Variants in THRB observed in about 807,000 individuals in gnomAD.
THRB encodes the protein nuclear receptor subfamily 1 group A member 2.
THRB carries 12 observed loss-of-function variants against 47.8 expected under a neutral mutation model. The observed-to-expected ratio is 0.25, with a 90% confidence interval of 0.16 to 0.41. The LOEUF is 0.41. THRB is among the 10% of genes least tolerant of loss of function. The pLI is 1.00. For missense variants in THRB, 348 were observed against 589.2 expected, an observed-to-expected ratio of 0.59 and a Z score of 4.24; for synonymous variants, 218 against 212.2, an observed-to-expected ratio of 1.03 and a Z score of -0.24.
At chr3:24,205,946 G>C (rs1419112673) in intron 4 of THRB, among the ~76,000 whole-genome samples, 2 of 152,198 alleles carry the variant, frequency 1.3e-5, no homozygotes, top group Non-Finnish European at 2.9e-5. Context: ...AACAAGAAGA[G>C]CTAACTATCC....
intron 1 of THRB, among the ~76,000 whole-genome samples, chr3:24,384,319 C>T (rs150651040): frequency 1.2e-3 from 176 of 152,196 alleles, no homozygotes; most frequent in African/African-American, 3.5e-3. Context: ...ATAAGGGAGA[C>T]GATCTTATCT....
intron 1 of THRB, among the ~76,000 whole-genome samples, chr3:24,428,678 T>A (rs1438946738): frequency 6.6e-6 from 1 of 151,734 alleles, no homozygotes; most frequent in Non-Finnish European, 1.5e-5. Flanking sequence ...TTTGGTTATG[T>A]TCGAGGCAAG....
At chr3:24,344,530 T>C (rs1190059486) in intron 1 of THRB, among the ~76,000 whole-genome samples, 1 of 151,914 alleles carries the variant, frequency 6.6e-6, no homozygotes, top group Admixed American at 6.6e-5. Context: ...CAGAAACAAA[T>C]AACATTTGGA....
At chr3:24,144,649 T>C (rs900568431) in intron 7 of THRB, 1 of 152,158 alleles carries the variant, frequency 6.6e-6, no homozygotes, top group African/African-American at 2.4e-5. Flanking sequence ...TTGGTAACTA[T>C]CAATGGAATG....
At chr3:24,209,433 C>G (rs2045770852) in intron 4 of THRB, among the ~76,000 whole-genome samples, 2 of 152,192 alleles carry the variant, frequency 1.3e-5, no homozygotes, top group Non-Finnish European at 2.9e-5. Flanking sequence ...ACCCAAATGT[C>G]CATCAATGAT....
intron 1 of THRB, among the ~76,000 whole-genome samples, chr3:24,427,308 A>C (rs1393897129): frequency 1.3e-5 from 2 of 152,006 alleles, no homozygotes; most frequent in East Asian, 3.9e-4. Flanking sequence ...TTTAGCATGA[A>C]CTTTTAGCAA....
chr3:24,278,882 G>A (rs1257851137), intron 3 of THRB, among the ~76,000 whole-genome samples: 1 of 152,006 alleles, frequency 6.6e-6, no homozygotes, highest in African/African-American at 2.4e-5. Context: ...GTCTCACTCT[G>A]GGTCCAGGCT....
At chr3:24,280,706 G>A (rs975820799) in intron 3 of THRB, among the ~76,000 whole-genome samples, 13 of 152,052 alleles carry the variant, frequency 8.5e-5, no homozygotes, top group East Asian at 7.7e-4. Flanking sequence ...TTAGAAGAAT[G>A]TATAACTAGA....
rs547514840 is a variant in THRB, at chr3:24,336,782, C to T, written c.-189+518G>A. ...TGTCGCCCAGGCTGGAGTGCAGTGG[C>T]GTGATCTCTGCTCACTGCAAGCTCC... On this transcript the variant is annotated intron_variant, in intron 2 of 10. Coordinates refer to ENST00000646209, the MANE Select transcript of THRB (RefSeq NM_001354712.2). Among the ~76,000 whole-genome samples, 764 of 147,574 alleles carry T rather than the reference C, an allele frequency of 5.2e-3. 4 individuals carry two copies. The highest frequency in any genetic ancestry group is 9.0e-3 in the Non-Finnish European group (607 of 67,542).
At chr3:24,479,797 C>T (rs78354013) in intron 1 of THRB, among the ~76,000 whole-genome samples, 3,391 of 152,260 alleles carry the variant, frequency 0.022, 70 homozygotes, top group East Asian at 0.084. Context: ...ACTATACTCC[C>T]ATGGCACCAC....
At chr3:24,129,287 T>C (rs1000938972) in intron 9 of THRB, among the ~76,000 whole-genome samples, 6 of 152,196 alleles carry the variant, frequency 3.9e-5, no homozygotes, top group African/African-American at 4.8e-5. Flanking sequence ...AGTTTCTGCA[T>C]TTCCCCCAAG....
rs554011674 is a variant in THRB, at chr3:24,455,004, G to A, written c.-261+39648C>T. 6.9e-4 allele frequency: 104 copies of A among 151,688 alleles called. 2 individuals are homozygous for A. The highest frequency in any genetic ancestry group is 2.5e-3 in the African/African-American group (102 of 41,384). 9.4% of individuals were successfully genotyped at this position (151,688 alleles called of 1,614,324 possible). The stretch of plus-strand genomic sequence containing the variant: ...GACCAAAGTCGCTAACAATTGACAA[G>A]GATGAAGTCTACACAGAGATTGCTT... On this transcript the variant is annotated intron_variant, in intron 1 of 10. Transcript: ENST00000646209.
At chr3:24,280,853 T>C (rs1243000773) in intron 3 of THRB, among the ~76,000 whole-genome samples, 1 of 151,736 alleles carries the variant, frequency 6.6e-6, no homozygotes, top group Non-Finnish European at 1.5e-5. Flanking sequence ...GAAGATGAAA[T>C]GAATGAAATG....
intron 1 of THRB, among the ~76,000 whole-genome samples, chr3:24,467,673 G>T (rs910739157): frequency 6.6e-6 from 1 of 152,192 alleles, no homozygotes; most frequent in Admixed American, 6.5e-5. Context: ...AAAGGAATGT[G>T]TTTTTTCTGA....
chr3:24,355,366 TGAC>T (rs1339301965), intron 1 of THRB, among the ~76,000 whole-genome samples: 1 of 152,134 alleles, frequency 6.6e-6, no homozygotes, highest in Non-Finnish European at 1.5e-5. Flanking sequence ...TAATGAGACA[TGAC>T]GACCAAATGC....
In THRB at chr3:24,481,229, G is replaced by GTTTTTTTT. The variant is rs746323691; in HGVS notation, c.-261+13415_-261+13422dup. Reference sequence around the variant, plus strand: ...TATATGTGTGGATGCGTTTCTTTCTGTTTTTTTTTTTTTTTTTTTTTTTTT... The same window carrying GTTTTTTTT: ...TATATGTGTGGATGCGTTTCTTTCTGTTTTTTTTTTTTTTTTTTTTTTTTTTTTTTTTT... On this transcript the variant is annotated intron_variant, in intron 1 of 10. Coordinates refer to ENST00000646209, the MANE Select transcript of THRB (RefSeq NM_001354712.2). Among the ~76,000 whole-genome samples the GTTTTTTTT allele has an allele frequency of 1.8e-4, 10 of 55,380 alleles. 1 individual carries two copies. Among genetic ancestry groups the GTTTTTTTT allele is most frequent in the African/African-American group, 6.9e-4 (9 of 13,056 alleles). The allele number at this position is 55,380 out of a possible 152,430, so 36.3% of individuals were successfully genotyped here. A position where few individuals can be genotyped will look rare whatever the true frequency, so the allele number is the denominator to read the frequency against.
At chr3:24,224,825 C>T (rs2047495891) in intron 4 of THRB, among the ~76,000 whole-genome samples, 1 of 152,184 alleles carries the variant, frequency 6.6e-6, no homozygotes, top group African/African-American at 2.4e-5. Flanking sequence ...GAACTGCTTT[C>T]ACTTTCTCAT....
chr3:24,404,662 T>A (rs1577347718), intron 1 of THRB, among the ~76,000 whole-genome samples: 1 of 151,904 alleles, frequency 6.6e-6, no homozygotes, highest in Non-Finnish European at 1.5e-5. Context: ...TGGCAACATA[T>A]AAAGAATTTA....
intron 4 of THRB, among the ~76,000 whole-genome samples, chr3:24,195,647 A>C (rs2149667732): frequency 6.6e-6 from 1 of 152,312 alleles, no homozygotes; most frequent in African/African-American, 2.4e-5. Context: ...TTCAGGCCTT[A>C]CAGTGGCCTC....
Sources: gnomAD v4.1 joint callset for allele counts (sites outside exome capture counted in the v4.1 genomes callset) on GRCh38, gnomAD v4.1.1 for gene constraint, MANE v1.5 for transcripts, NCBI Gene and HGNC (gene_info 2026-07-23, HGNC 2026-07-21) for gene names.